Variants in PARD3B observed in about 807,000 individuals in gnomAD.
PARD3B encodes partitioning defective 3 homolog B.
Under a neutral mutation model 130.2 loss-of-function variants are expected in PARD3B, and 103 were observed. The ratio of observed to expected loss-of-function variants is 0.79; its 90% confidence interval spans 0.67 to 0.93. The LOEUF (loss-of-function observed/expected upper bound fraction) is 0.93. PARD3B is among the 40% of genes least tolerant of loss of function. PARD3B has a pLI of 0.00. For synonymous variants in PARD3B, 583 were observed against 553.2 expected (o/e 1.05, Z -0.76); for missense variants, 1,609 against 1,499.2 (o/e 1.07, Z -1.21).
intron 2 of PARD3B, among the ~76,000 whole-genome samples, chr2:204,912,014 G>A (rs2047257291): frequency 6.6e-6 from 1 of 151,926 alleles, no homozygotes; most frequent in African/African-American, 2.4e-5. Flanking sequence ...CATGTTATTA[G>A]CTGTAATGGA....
intron 1 of PARD3B, among the ~76,000 whole-genome samples, chr2:204,652,855 A>G (rs1227539021): frequency 1.3e-5 from 2 of 151,094 alleles, no homozygotes; most frequent in Non-Finnish European, 2.9e-5. Flanking sequence ...ACATATTACC[A>G]TTGTGGATCA....
At chr2:205,570,393 G>A (rs955040578) in intron 22 of PARD3B, among the ~76,000 whole-genome samples, 1 of 152,138 alleles carries the variant, frequency 6.6e-6, no homozygotes, top group African/African-American at 2.4e-5. Flanking sequence ...TCACAGAATA[G>A]CAATGCCTTC....
chr2:205,129,533 T>A (rs114227736), intron 10 of PARD3B, among the ~76,000 whole-genome samples: 1 of 152,236 alleles, frequency 6.6e-6, no homozygotes, highest in African/African-American at 2.4e-5. Flanking sequence ...TGACTTTCCA[T>A]TGAAAATCTG....
At chr2:205,051,231 A>C (rs1463670127) in intron 4 of PARD3B, among the ~76,000 whole-genome samples, 1 of 152,172 alleles carries the variant, frequency 6.6e-6, no homozygotes, top group Non-Finnish European at 1.5e-5. Context: ...CAGCTACACC[A>C]TTCTTGATTC....
At chr2:204,869,241 T>C (rs1012347314) in intron 2 of PARD3B, among the ~76,000 whole-genome samples, 1 of 152,160 alleles carries the variant, frequency 6.6e-6, no homozygotes, top group Non-Finnish European at 1.5e-5. Flanking sequence ...CTCAAACTTA[T>C]GTGTGGAATC....
intron 13 of PARD3B, among the ~76,000 whole-genome samples, chr2:205,179,551 C>A (rs1200568428): frequency 6.6e-6 from 1 of 152,134 alleles, no homozygotes; most frequent in Non-Finnish European, 1.5e-5. Context: ...GTTGTAATTG[C>A]CTGTAGTATT....
rs928613952 is a variant in PARD3B, at chr2:205,550,640, G to A, written c.3181-2684G>A. Among the ~76,000 whole-genome samples the A allele has an allele frequency of 6.6e-6, 1 of 151,840 alleles. No homozygotes were observed. Among genetic ancestry groups the A allele is most frequent in the Non-Finnish European group, 1.5e-5 (1 of 67,990 alleles). On this transcript the variant is annotated intron_variant, in intron 21 of 22. Coordinates refer to ENST00000406610, the MANE Select transcript of PARD3B (RefSeq NM_001302769.2). This position sits in a 1 kb window ranked among gnomAD's most constrained non-coding sequence, Gnocchi z 4.5. ...CCTATTTCATTCTTTGGTTATTTCA[G>A]TTTGAATGCTGTTTTCCCAACAAGA...
chr2:204,553,708 A>G (rs903015696), intron 1 of PARD3B, among the ~76,000 whole-genome samples: 1 of 139,604 alleles, frequency 7.2e-6, no homozygotes, highest in African/African-American at 2.7e-5. Flanking sequence ...ACACATATAT[A>G]TAAAGGAATA....
chr2:205,536,866 G>A (rs930122631), intron 21 of PARD3B, among the ~76,000 whole-genome samples: 1 of 152,106 alleles, frequency 6.6e-6, no homozygotes, highest in African/African-American at 2.4e-5. Flanking sequence ...GCTTCAAACA[G>A]AAGGTAAATC....
chr2:205,139,826 G>A (rs79190501), intron 10 of PARD3B, among the ~76,000 whole-genome samples: 7,022 of 152,174 alleles, frequency 0.046, 179 homozygotes, highest in African/African-American at 0.064. Context: ...AATAAATCAT[G>A]TGTGTCCTAA....
intron 2 of PARD3B, among the ~76,000 whole-genome samples, chr2:204,777,150 G>A (rs146798680): frequency 6.6e-6 from 1 of 152,294 alleles, no homozygotes; most frequent in African/African-American, 2.4e-5. Context: ...CTTTGAATAA[G>A]TTGCACAGAA....
At chr2:204,896,249 C>T (rs72940418) in intron 2 of PARD3B, among the ~76,000 whole-genome samples, 1,951 of 152,202 alleles carry the variant, frequency 0.013, 41 homozygotes, top group Non-Finnish European at 0.013. Context: ...AATTAGATGT[C>T]AGCAAAGTAA....
At chr2:204,990,643 G>A (rs1693584256) in intron 3 of PARD3B, among the ~76,000 whole-genome samples, 1 of 152,080 alleles carries the variant, frequency 6.6e-6, no homozygotes, top group South Asian at 2.1e-4. Flanking sequence ...GTGTGTATGT[G>A]TGTGTGTGTA....
intron 2 of PARD3B, among the ~76,000 whole-genome samples, chr2:204,798,361 T>G (rs1484148209): frequency 3.3e-5 from 5 of 152,174 alleles, no homozygotes; most frequent in Admixed American, 2.6e-4. Flanking sequence ...AGACCAGCCC[T>G]GGCTGGTGGA....
chr2:205,249,175 AT>A (rs10707307), intron 16 of PARD3B, among the ~76,000 whole-genome samples: 7,226 of 136,686 alleles, frequency 0.053, 219 homozygotes, highest in African/African-American at 0.084. Context: ...TGCCCGGCTA[AT>A]TTTTTTTTTT....
intron 21 of PARD3B, among the ~76,000 whole-genome samples, chr2:205,541,069 A>G (rs1298382594): frequency 6.8e-6 from 1 of 148,088 alleles, no homozygotes; most frequent in Non-Finnish European, 1.5e-5. Flanking sequence ...CTATATATAC[A>G]TGTAATCAGA....
chr2:205,498,860 C>T (rs1204604217), intron 20 of PARD3B, among the ~76,000 whole-genome samples: 1 of 152,168 alleles, frequency 6.6e-6, no homozygotes, highest in Non-Finnish European at 1.5e-5. Flanking sequence ...AAAGTTTAAG[C>T]ACTCTGCGTT....
At chr2:204,893,849 G>T (rs147847765) in intron 2 of PARD3B, among the ~76,000 whole-genome samples, 2 of 152,088 alleles carry the variant, frequency 1.3e-5, no homozygotes, top group Non-Finnish European at 1.5e-5. Context: ...AAGAGCTGTT[G>T]TTGAAAGTAA....
At chr2:205,096,505 G>A (rs1274960196) in intron 4 of PARD3B, among the ~76,000 whole-genome samples, 2 of 152,158 alleles carry the variant, frequency 1.3e-5, no homozygotes, top group Non-Finnish European at 2.9e-5. Flanking sequence ...ATGGGATTTA[G>A]CCTCTGTAGC....
Sources: gnomAD v4.1 joint callset for allele counts (sites outside exome capture counted in the v4.1 genomes callset) on GRCh38, gnomAD v4.1.1 for gene constraint, Gnocchi (gnomAD v3.1) non-coding constraint, MANE v1.5 for transcripts, NCBI Gene and HGNC (gene_info 2026-07-23, HGNC 2026-07-21) for gene names.